ABLIM2: variants seen among roughly 807,000 people sequenced by gnomAD.
ABLIM2 encodes the protein actin binding LIM protein family member 2.
Under a neutral mutation model 97.7 loss-of-function variants are expected in ABLIM2, and 53 were observed. That is an observed-to-expected ratio of 0.54 (90% CI 0.44 to 0.68). The LOEUF (loss-of-function observed/expected upper bound fraction) is 0.68, where lower values mean the gene tolerates loss of function less well. ABLIM2 is among the 30% of genes least tolerant of loss of function. ABLIM2 has a pLI of 0.00. For missense variants in ABLIM2, 835 were observed against 867.2 expected, an observed-to-expected ratio of 0.96 and a Z score of 0.47; for synonymous variants, 361 against 345.8, an observed-to-expected ratio of 1.04 and a Z score of -0.49.
At chr4:8,139,903 G>A (rs574278228) in intron 1 of ABLIM2, among the ~76,000 whole-genome samples, 40 of 152,204 alleles carry the variant, frequency 2.6e-4, no homozygotes, top group Non-Finnish European at 4.7e-4. Flanking sequence ...CATATACACC[G>A]TGGAATACTA....
chr4:8,006,671 G>A (rs1325270518), intron 16 of ABLIM2, among the ~76,000 whole-genome samples: 1 of 152,198 alleles, frequency 6.6e-6, no homozygotes, highest in African/African-American at 2.4e-5. Flanking sequence ...GTGGGCAGGT[G>A]CTACACCAGC....
chr4:8,094,975 CCTTT>C (rs71175460), intron 3 of ABLIM2, among the ~76,000 whole-genome samples: 9 of 143,806 alleles, frequency 6.3e-5, no homozygotes, highest in South Asian at 2.3e-4. Context: ...TCCTTCCCTC[CCTTT>C]CTTTCTCTTT....
chr4:8,047,472 G>A (rs1159621919), intron 8 of ABLIM2, among the ~76,000 whole-genome samples: 1 of 152,092 alleles, frequency 6.6e-6, no homozygotes, highest in Non-Finnish European at 1.5e-5. Context: ...CACACCAGGT[G>A]GGCATCAACT....
Position 8,032,990 on chromosome 4 carries a change from C to T in ABLIM2, c.1047+3159G>A, listed in dbSNP as rs28600069. ...GTTCTCCCACAAAGATGTGTTTTCC[C>T]AAAAGGAAGACACTGGCTCAGGGCA... On this transcript the variant is annotated intron_variant, in intron 10 of 20. Coordinates refer to ENST00000447017, the MANE Select transcript of ABLIM2 (RefSeq NM_001130083.2). This position sits in a 1 kb window ranked among gnomAD's most constrained non-coding sequence, Gnocchi z 4.3. 0.28 allele frequency among the ~76,000 whole-genome samples: 43,186 copies of T among 152,150 alleles called. 6,819 individuals are homozygous for T. The highest frequency in any genetic ancestry group is 0.41 in the African/African-American group (16,999 of 41,456).
At chr4:8,014,365 G>A (rs576949131) in intron 14 of ABLIM2, among the ~76,000 whole-genome samples, 31 of 152,352 alleles carry the variant, frequency 2.0e-4, no homozygotes, top group Middle Eastern at 3.4e-3. Context: ...TAGCCTCTAA[G>A]GAGTTGACCC....
chr4:8,130,532 A>C lies in ABLIM2; in HGVS notation c.11-23895T>G, dbSNP rs1446602485. Among the ~76,000 whole-genome samples, 1 of 151,978 alleles carries C rather than the reference A, an allele frequency of 6.6e-6. No individual in the cohort carries two copies. The highest frequency in any genetic ancestry group is 2.4e-5 in the African/African-American group (1 of 41,340). Reference sequence around the variant, plus strand: ...ATCAAGTTGTCTAAGCTTCCCCGAGACACTGTGAGGTGGCGCCACGCTTGG... The same window carrying C: ...ATCAAGTTGTCTAAGCTTCCCCGAGCCACTGTGAGGTGGCGCCACGCTTGG... On this transcript the variant is annotated intron_variant, in intron 1 of 20. Coordinates refer to ENST00000447017, the MANE Select transcript of ABLIM2 (RefSeq NM_001130083.2). This position sits in a 1 kb window ranked among gnomAD's most constrained non-coding sequence, Gnocchi z 4.2.
chr4:8,065,368 A>G (rs1806343204), intron 6 of ABLIM2, among the ~76,000 whole-genome samples: 2 of 152,234 alleles, frequency 1.3e-5, no homozygotes, highest in Non-Finnish European at 2.9e-5. Flanking sequence ...TCATTAAGAA[A>G]TTGCAAATCA....
Position 8,062,306 on chromosome 4 carries a change from C to T in ABLIM2, c.676-1252G>A, listed in dbSNP as rs570538733. Reference sequence around the variant, plus strand: ...AGCGCAGGGCCTGGCACCTGGGCCACGTCAGGGAGTACCAGGTGCAGGGAT... The same window carrying T: ...AGCGCAGGGCCTGGCACCTGGGCCATGTCAGGGAGTACCAGGTGCAGGGAT... On this transcript the variant is annotated intron_variant, in intron 6 of 20. Transcript: ENST00000447017. Among the ~76,000 whole-genome samples, 181 of 152,352 alleles carry T rather than the reference C, an allele frequency of 1.2e-3. 1 individual carries two copies. Among genetic ancestry groups the T allele is most frequent in the Non-Finnish European group, 2.1e-3 (145 of 68,038 alleles).
chr4:8,048,769 C>T (rs1445392223), intron 8 of ABLIM2, among the ~76,000 whole-genome samples: 3 of 152,174 alleles, frequency 2.0e-5, no homozygotes, highest in African/African-American at 7.2e-5. Context: ...AGGAGACCCA[C>T]CTTGGAAACC....
At chr4:8,108,682 G>T (rs963939695) in intron 1 of ABLIM2, among the ~76,000 whole-genome samples, 1 of 152,188 alleles carries the variant, frequency 6.6e-6, no homozygotes, top group African/African-American at 2.4e-5. Context: ...TCTGGGAGCC[G>T]CCTCCAGTCC....
chr4:8,058,259 C>T lies in ABLIM2; in HGVS notation c.763+2708G>A, dbSNP rs964476390. 6.6e-5 allele frequency among the ~76,000 whole-genome samples: 10 copies of T among 152,326 alleles called. No homozygotes were observed. The highest frequency in any genetic ancestry group is 6.2e-4 in the South Asian group (3 of 4,822). On this transcript the variant is annotated intron_variant, in intron 7 of 20. Coordinates refer to ENST00000447017, the MANE Select transcript of ABLIM2 (RefSeq NM_001130083.2). The surrounding 1 kb of genome is among the most constrained non-coding windows in gnomAD (Gnocchi z 4.2). Reference sequence around the variant, plus strand: ...CCCAGACAGCCTGGCACTGCTGGGACGGTCCCAAAGGACCCTTTGACGGGC... The same window carrying T: ...CCCAGACAGCCTGGCACTGCTGGGATGGTCCCAAAGGACCCTTTGACGGGC...
At position 8,019,817 on chromosome 4, in the gene ABLIM2, G is replaced by C. The variant is rs1463915379; in HGVS notation, c.1370-146C>G. On this transcript the variant is annotated intron_variant, in intron 13 of 20. Transcript: ENST00000447017. The surrounding 1 kb of genome is among the most constrained non-coding windows in gnomAD (Gnocchi z 4.3). ...AGGAACTGGCACCCAGCGAGCGACA[G>C]ACACCCAGGCCCCAGATCAAGCCTC... 2.5e-6 allele frequency: 2 copies of C among 787,630 alleles called. No homozygotes were observed. Among genetic ancestry groups the C allele is most frequent in the Middle Eastern group, 2.3e-4 (1 of 4,386 alleles). 48.8% of individuals were successfully genotyped at this position (787,630 alleles called of 1,614,324 possible). A position where few individuals can be genotyped will look rare whatever the true frequency, so the allele number is the denominator to read the frequency against.
chr4:8,084,051 G>A (rs1174260127), intron 4 of ABLIM2, among the ~76,000 whole-genome samples: 1 of 152,086 alleles, frequency 6.6e-6, no homozygotes, highest in Non-Finnish European at 1.5e-5. Context: ...GTAGGGGGGA[G>A]TCTCAGATTC....
At position 8,033,562 on chromosome 4, in the gene ABLIM2, G is replaced by A. The variant is rs1006731444; in HGVS notation, c.1047+2587C>T. ...CTGCCGAGGCAGGCCCCATGGGGTC[G>A]CACTTTATGGCTGAGAGCGGAAGCT... On this transcript the variant is annotated intron_variant, in intron 10 of 20. Coordinates refer to ENST00000447017, the MANE Select transcript of ABLIM2 (RefSeq NM_001130083.2). This position sits in a 1 kb window ranked among gnomAD's most constrained non-coding sequence, Gnocchi z 4.5. Among the ~76,000 whole-genome samples, 11 of 152,328 alleles carry A rather than the reference G, an allele frequency of 7.2e-5. No individual in the cohort carries two copies. The highest frequency in any genetic ancestry group is 3.9e-4 in the East Asian group (2 of 5,174).
At chr4:8,009,201 T>A in intron 14 of ABLIM2, 99 bp from the exon 15 acceptor site, 1 of 1,466,638 alleles carries the variant, frequency 6.8e-7, no homozygotes, top group East Asian at 2.3e-5. Flanking sequence ...AAATGAAAAA[T>A]CAATCAAAGA....
chr4:8,032,735 G>A lies in ABLIM2; in HGVS notation c.1048-2959C>T. On this transcript the variant is annotated intron_variant, in intron 10 of 20. Transcript: ENST00000447017. This position sits in a 1 kb window ranked among gnomAD's most constrained non-coding sequence, Gnocchi z 4.3. Reference sequence around the variant, plus strand: ...AGTGCTGGCGCCAGGCAGAGAGGGAGGAGGGCAGTTCCGTGACTGGCAGGC... The same window carrying A: ...AGTGCTGGCGCCAGGCAGAGAGGGAAGAGGGCAGTTCCGTGACTGGCAGGC... The A allele has an allele frequency of 3.8e-6, 6 of 1,596,168 alleles. No individual in the cohort carries two copies. The highest frequency in any genetic ancestry group is 1.7e-4 in the Middle Eastern group (1 of 6,036).
Position 8,069,411 on chromosome 4 carries a change from C to T in ABLIM2, c.675+8217G>A, listed in dbSNP as rs542909979. ...TGTCCAGGCTCGGAGGGTCCCACCA[C>T]GAAGACAGTGATGAGCACATTGCCC... On this transcript the variant is annotated intron_variant, in intron 6 of 20. Transcript: ENST00000447017. This position sits in a 1 kb window ranked among gnomAD's most constrained non-coding sequence, Gnocchi z 4.2. Among the ~76,000 whole-genome samples the T allele has an allele frequency of 1.5e-3, 233 of 152,322 alleles. No homozygotes were observed. Among genetic ancestry groups the T allele is most frequent in the Non-Finnish European group, 3.0e-3 (204 of 68,028 alleles).
At chr4:8,037,558 C>T (rs1163892872) in intron 9 of ABLIM2, among the ~76,000 whole-genome samples, 6 of 152,024 alleles carry the variant, frequency 3.9e-5, no homozygotes, top group African/African-American at 1.2e-4. Context: ...ACAACCGGCA[C>T]ACCCCCACAC....
intron 8 of ABLIM2, among the ~76,000 whole-genome samples, chr4:8,047,758 A>G (rs1301664348): frequency 6.6e-6 from 1 of 152,224 alleles, no homozygotes; most frequent in Non-Finnish European, 1.5e-5. Flanking sequence ...AGCTCCCTGA[A>G]CGGGCTTACC....
Sources: allele counts gnomAD v4.1 joint callset (sites outside exome capture counted in the v4.1 genomes callset), GRCh38; gene constraint gnomAD v4.1.1; non-coding constraint Gnocchi (gnomAD v3.1); transcripts MANE v1.5; gene names NCBI Gene and HGNC (gene_info 2026-07-23, HGNC 2026-07-21).